The following TSPAN9 variants were observed in gnomAD, a reference collection of about 807,000 sequenced individuals.
The protein encoded by TSPAN9 is tetraspanin 9.
In TSPAN9, 16 loss-of-function variants were observed where a neutral mutation model predicts 31.0. The observed-to-expected ratio is 0.52, with a 90% CI of 0.35 to 0.78. The LOEUF (loss-of-function observed/expected upper bound fraction) is 0.78, where lower values mean the gene tolerates loss of function less well. TSPAN9 is among the 30% of genes least tolerant of loss of function. The pLI is 0.01. For missense variants in TSPAN9, 272 were observed against 312.5 expected (o/e 0.87, Z 0.98); for synonymous variants, 145 against 121.6 (o/e 1.19, Z -1.27).
At chr12:3,243,107 A>G (rs1255043063) in intron 3 of TSPAN9, among the ~76,000 whole-genome samples, 1 of 152,206 alleles carries the variant, frequency 6.6e-6, no homozygotes, top group African/African-American at 2.4e-5. Flanking sequence ...TTAAAATCCA[A>G]TGTAGAAAAC....
intron 3 of TSPAN9, among the ~76,000 whole-genome samples, chr12:3,227,254 G>A (rs1171385375): frequency 6.6e-6 from 1 of 152,208 alleles, no homozygotes; most frequent in African/African-American, 2.4e-5. Flanking sequence ...AAGAGCCCCA[G>A]AGCAGCATCA....
intron 2 of TSPAN9, among the ~76,000 whole-genome samples, chr12:3,174,948 C>T (rs556846038): frequency 2.0e-5 from 3 of 151,902 alleles, no homozygotes; most frequent in African/African-American, 7.3e-5. Context: ...GTGAGAAGGC[C>T]GCCCGGACCT....
chr12:3,111,130 G>C (rs1489868145), intron 2 of TSPAN9, among the ~76,000 whole-genome samples: 1 of 152,180 alleles, frequency 6.6e-6, no homozygotes, highest in Non-Finnish European at 1.5e-5. Context: ...GCACAACGGT[G>C]TAAGTCTCCT....
At chr12:3,215,903 C>CG (rs138195606) in intron 3 of TSPAN9, among the ~76,000 whole-genome samples, 5,957 of 151,920 alleles carry the variant, frequency 0.039, 418 homozygotes, top group African/African-American at 0.13. Context: ...CACGTTCCAC[C>CG]GGGACCTCTC....
At chr12:3,112,449 T>C (rs2098319458) in intron 2 of TSPAN9, among the ~76,000 whole-genome samples, 1 of 152,100 alleles carries the variant, frequency 6.6e-6, no homozygotes, top group Non-Finnish European at 1.5e-5. Flanking sequence ...GTGCTGGGAT[T>C]ACAGGCATAA....
At chr12:3,099,100 C>T (rs2098310584) in intron 2 of TSPAN9, among the ~76,000 whole-genome samples, 1 of 152,050 alleles carries the variant, frequency 6.6e-6, no homozygotes, top group Non-Finnish European at 1.5e-5. Context: ...AAAATTTGCT[C>T]AGCTGTTGTT....
intron 2 of TSPAN9, among the ~76,000 whole-genome samples, chr12:3,105,595 TG>T (rs1267140824): frequency 6.6e-6 from 1 of 151,838 alleles, no homozygotes; most frequent in Non-Finnish European, 1.5e-5. Flanking sequence ...CTTCTGGATT[TG>T]GGGGTGCTTC....
chr12:3,198,019 T>C (rs111170718), intron 2 of TSPAN9, among the ~76,000 whole-genome samples: 2 of 17,394 alleles, frequency 1.1e-4, no homozygotes, highest in Non-Finnish European at 1.1e-4. Context: ...CCAGCACAGG[T>C]CACCACCAGC....
intron 2 of TSPAN9, among the ~76,000 whole-genome samples, chr12:3,151,901 C>T (rs925478293): frequency 6.6e-6 from 1 of 151,666 alleles, no homozygotes; most frequent in Non-Finnish European, 1.5e-5. Flanking sequence ...CCAGCCTGGG[C>T]GACAGAGTGA....
intron 1 of TSPAN9, among the ~76,000 whole-genome samples, chr12:3,079,727 G>T (rs2098296862): frequency 6.6e-6 from 1 of 151,070 alleles, no homozygotes; most frequent in Non-Finnish European, 1.5e-5. Flanking sequence ...CTCCCAAAGT[G>T]CTGGGATTAC....
At chr12:3,154,578 C>G (rs2098341332) in intron 2 of TSPAN9, among the ~76,000 whole-genome samples, 1 of 152,208 alleles carries the variant, frequency 6.6e-6, no homozygotes, top group Non-Finnish European at 1.5e-5. Flanking sequence ...GCGTGTTCCT[C>G]CCTTCCTCCC....
intron 2 of TSPAN9, among the ~76,000 whole-genome samples, chr12:3,163,357 A>G (rs2098346467): frequency 6.6e-6 from 1 of 152,116 alleles, no homozygotes; most frequent in Non-Finnish European, 1.5e-5. Flanking sequence ...TCTGTTTGGC[A>G]CTTTCCACAC....
Position 3,242,721 on chromosome 12 carries a change from G to A in TSPAN9, c.64-35700G>A, listed in dbSNP as rs540598579. On this transcript the variant is annotated intron_variant, in intron 3 of 8. Coordinates refer to ENST00000011898, the MANE Select transcript of TSPAN9 (RefSeq NM_006675.5). ...GGAGGGGCAGCTGCCACAGTGGGGA[G>A]CCCCAGCTCTGCCCTGAACATATTG... is the stretch of plus-strand genomic sequence containing the variant. Among the ~76,000 whole-genome samples, 4 of 152,352 alleles carry A rather than the reference G, an allele frequency of 2.6e-5. No individual in the cohort carries two copies. In the East Asian group the frequency reaches 7.7e-4, roughly 29 times the overall value.
intron 2 of TSPAN9, among the ~76,000 whole-genome samples, chr12:3,092,650 T>C (rs2098305420): frequency 6.6e-6 from 1 of 152,114 alleles, no homozygotes; most frequent in African/African-American, 2.4e-5. Flanking sequence ...ACACACCTAA[T>C]TTGACATAAA....
intron 2 of TSPAN9, among the ~76,000 whole-genome samples, chr12:3,114,233 T>G (rs2098320851): frequency 6.6e-6 from 1 of 152,190 alleles, no homozygotes; most frequent in African/African-American, 2.4e-5. Flanking sequence ...GCAGCTGTGT[T>G]CCAAAAAATG....
chr12:3,269,794 C>G (rs933581084), intron 3 of TSPAN9, among the ~76,000 whole-genome samples: 2 of 152,216 alleles, frequency 1.3e-5, no homozygotes, highest in Non-Finnish European at 2.9e-5. Flanking sequence ...TCGCTGCACC[C>G]ACCCGCACCC....
Position 3,278,575 on chromosome 12 carries a change from T to A in TSPAN9, c.218T>A (p.Leu73Gln). The change falls in exon 4 of 9, where the codon CTG becomes CAG. Residue 73 changes from leucine (L) to glutamine (Q), a missense_variant. By Grantham distance (113) the Leu-to-Gln change is moderately radical. Coordinates refer to ENST00000011898, the MANE Select transcript of TSPAN9 (RefSeq NM_006675.5). ...ATGGTGACGGGCTTCCTCGGCTGCC[T>A]GGGGGCCATCAAGGAAAACAAGTGC... ...IVMVTGFLGC[L>Q]GAIKENKCLL... is the part of the protein sequence containing the mutation. The A allele has an allele frequency of 6.2e-7, 1 of 1,614,142 alleles. No homozygotes were observed. The highest frequency in any genetic ancestry group is 1.3e-5 in the African/African-American group (1 of 75,056).
At chr12:3,200,832 C>T (rs919117292) in intron 2 of TSPAN9, 5 of 228,594 alleles carry the variant, frequency 2.2e-5, no homozygotes, top group Non-Finnish European at 3.4e-5. Flanking sequence ...CCGGCCCCCC[C>T]GCAGCCCGCG....
At chr12:3,127,893 T>C (rs932062505) in intron 2 of TSPAN9, among the ~76,000 whole-genome samples, 3 of 152,204 alleles carry the variant, frequency 2.0e-5, no homozygotes, top group Non-Finnish European at 4.4e-5. Flanking sequence ...TCGTATTAGC[T>C]GGGACTACAG....
Sources: gnomAD v4.1 joint callset for allele counts (sites outside exome capture counted in the v4.1 genomes callset) on GRCh38, gnomAD v4.1.1 for gene constraint, MANE v1.5 for transcripts, NCBI Gene and HGNC (gene_info 2026-07-23, HGNC 2026-07-21) for gene names.